HAO1: variants seen among roughly 807,000 people sequenced by gnomAD.
HAO1 encodes 2-Hydroxyacid oxidase 1.
A neutral mutation model predicts 39.7 loss-of-function variants in HAO1; 34 were observed. The observed-to-expected ratio is 0.86, with a 90% CI of 0.65 to 1.14. The LOEUF is 1.14. Among genes scored for constraint, HAO1 ranks in the 50% most tolerant of loss-of-function variants. The probability of loss-of-function intolerance (pLI) is 0.00; values close to 1 mark genes in which losing one functional copy is unlikely to be tolerated. For missense variants in HAO1, 479 were observed against 464.5 expected, an observed-to-expected ratio of 1.03 and a Z score of -0.29; for synonymous variants, 172 against 173.2, an observed-to-expected ratio of 0.99 and a Z score of 0.05.
rs1256439606 is a variant in HAO1 at position 7,914,387 on chromosome 20, T to G, written c.322A>C (p.Ser108Arg). 1 of 1,613,888 alleles carries G rather than the reference T, an allele frequency of 6.2e-7. No homozygotes were observed. The highest frequency in any genetic ancestry group is 8.5e-7 in the Non-Finnish European group (1 of 1,179,922). ...TCAATTGAGGAGGTGGCCCAGGAACTCAACATCATGCCCGTTCCCAGGGAC... is the reference window on the plus strand; with the variant it reads ...TCAATTGAGGAGGTGGCCCAGGAACGCAACATCATGCCCGTTCCCAGGGAC... Reference protein sequence around the residue: ...CQSLGTGMMLSSWATSSIEEV... With the variant: ...CQSLGTGMMLRSWATSSIEEV... The change falls in exon 3 of 8, where the codon AGT (serine) becomes CGT (arginine). Residue 108 changes from serine to arginine, a missense_variant. Transcript: ENST00000378789.
At chr20:7,898,915 T>A (rs1334927628) in intron 4 of HAO1, among the ~76,000 whole-genome samples, 1 of 151,006 alleles carries the variant, frequency 6.6e-6, no homozygotes, top group Non-Finnish European at 1.5e-5. Context: ...TATCTAGTTA[T>A]GTACAGGATC....
intron 5 of HAO1, among the ~76,000 whole-genome samples, chr20:7,890,635 G>A (rs946291380): frequency 6.6e-6 from 1 of 151,982 alleles, no homozygotes; most frequent in African/African-American, 2.4e-5. Flanking sequence ...TTGAGATTTT[G>A]GTGCACCCAT....
chr20:7,932,239 G>A (rs1291982977), intron 2 of HAO1, among the ~76,000 whole-genome samples: 4 of 151,522 alleles, frequency 2.6e-5, no homozygotes, highest in Admixed American at 6.6e-5. Flanking sequence ...AGAACTGTGA[G>A]TCAGTTAAAC....
chr20:7,923,974 T>C (rs1429198971), intron 2 of HAO1, among the ~76,000 whole-genome samples: 1 of 152,162 alleles, frequency 6.6e-6, no homozygotes, highest in African/African-American at 2.4e-5. Flanking sequence ...TGGTAGTGGT[T>C]GTCCCATGGT....
At chr20:7,895,253 G>A (rs2050191516) in intron 4 of HAO1, 29 bp from the exon 5 acceptor site, 1 of 1,448,880 alleles carries the variant, frequency 6.9e-7, no homozygotes, top group African/African-American at 1.4e-5. Flanking sequence ...GCACCTTAGG[G>A]AAACTGTAAC....
At chr20:7,888,515 T>C (rs1003475670) in intron 5 of HAO1, among the ~76,000 whole-genome samples, 7 of 152,124 alleles carry the variant, frequency 4.6e-5, no homozygotes, top group African/African-American at 1.7e-4. Flanking sequence ...CAGAGGTGCT[T>C]AGTTAAACGC....
intron 5 of HAO1, among the ~76,000 whole-genome samples, chr20:7,890,374 C>G (rs545842551): frequency 6.6e-6 from 1 of 151,838 alleles, no homozygotes. Context: ...CCACCATGCC[C>G]GGCTAATTTT....
intron 2 of HAO1, among the ~76,000 whole-genome samples, chr20:7,931,698 GA>G (rs1307802480): frequency 2.6e-5 from 4 of 152,062 alleles, no homozygotes; most frequent in Admixed American, 2.6e-4. Context: ...GTTACTTCTG[GA>G]GGAAATAGTC....
At chr20:7,918,523 C>T (rs1013637842) in intron 2 of HAO1, among the ~76,000 whole-genome samples, 1 of 152,148 alleles carries the variant, frequency 6.6e-6, no homozygotes, top group African/African-American at 2.4e-5. Flanking sequence ...TTCAATATGT[C>T]GTTGTGCTTC....
chr20:7,907,900 A>G (rs1051559992), intron 3 of HAO1, among the ~76,000 whole-genome samples: 1 of 152,126 alleles, frequency 6.6e-6, no homozygotes, highest in African/African-American at 2.4e-5. Context: ...TTCTCCTGAA[A>G]GGCTGTTTTT....
intron 2 of HAO1, among the ~76,000 whole-genome samples, chr20:7,918,198 C>T (rs2050315580): frequency 2.0e-5 from 3 of 152,200 alleles, no homozygotes; most frequent in South Asian, 4.2e-4. Flanking sequence ...CTCCCTTCTC[C>T]CCAGAACAAA....
At chr20:7,937,720 G>C (rs942172406) in intron 1 of HAO1, among the ~76,000 whole-genome samples, 1 of 152,154 alleles carries the variant, frequency 6.6e-6, no homozygotes, top group Admixed American at 6.5e-5. Flanking sequence ...AAATGTGTAA[G>C]AGAAACAAAT....
intron 4 of HAO1, among the ~76,000 whole-genome samples, chr20:7,895,993 A>T (rs779034655): frequency 1.3e-5 from 2 of 152,120 alleles, no homozygotes; most frequent in Non-Finnish European, 2.9e-5. Context: ...AATCGTTTGA[A>T]CCTGGGAGGC....
intron 5 of HAO1, among the ~76,000 whole-genome samples, chr20:7,889,175 T>C (rs1049481370): frequency 6.6e-6 from 1 of 151,664 alleles, no homozygotes; most frequent in Non-Finnish European, 1.5e-5. Context: ...AAAGATGGAA[T>C]TGCATGGACT....
chr20:7,935,428 T>A (rs1005762406), intron 1 of HAO1, among the ~76,000 whole-genome samples: 1 of 152,334 alleles, frequency 6.6e-6, no homozygotes, highest in Non-Finnish European at 1.5e-5. Flanking sequence ...TAAGAAGATA[T>A]GCTATGTCTA....
chr20:7,934,942 A>G (rs1411581157), intron 1 of HAO1, among the ~76,000 whole-genome samples: 4 of 152,230 alleles, frequency 2.6e-5, no homozygotes, highest in African/African-American at 7.2e-5. Flanking sequence ...TGTAACTGCC[A>G]TGACAATCAA....
intron 3 of HAO1, among the ~76,000 whole-genome samples, chr20:7,910,427 T>C (rs1352086182): frequency 6.6e-6 from 1 of 152,194 alleles, no homozygotes; most frequent in East Asian, 1.9e-4. Context: ...GTTCCAAATG[T>C]CAGAAGTCTA....
intron 2 of HAO1, among the ~76,000 whole-genome samples, chr20:7,914,905 G>A (rs1449670767): frequency 6.6e-6 from 1 of 152,098 alleles, no homozygotes; most frequent in Non-Finnish European, 1.5e-5. Flanking sequence ...GATCACCTGA[G>A]GTCAGGAGTT....
intron 4 of HAO1, among the ~76,000 whole-genome samples, chr20:7,896,345 A>G (rs186484709): frequency 1.1e-4 from 17 of 152,306 alleles, no homozygotes; most frequent in African/African-American, 3.8e-4. Flanking sequence ...AGCAAAAATC[A>G]GGCCTTGGAA....
Sources: gnomAD v4.1 joint callset for allele counts (sites outside exome capture counted in the v4.1 genomes callset) on GRCh38, gnomAD v4.1.1 for gene constraint, MANE v1.5 for transcripts, NCBI Gene and HGNC (gene_info 2026-07-23, HGNC 2026-07-21) for gene names.